CDK15: variants seen among roughly 807,000 people sequenced by gnomAD.
CDK15 encodes the protein cyclin-dependent kinase 15.
In CDK15, 62 loss-of-function variants were observed where a neutral mutation model predicts 60.3. The ratio of observed to expected loss-of-function variants is 1.03; its 90% CI spans 0.84 to 1.27. The LOEUF (loss-of-function observed/expected upper bound fraction) is 1.27. Among genes scored for constraint, CDK15 ranks in the 50% most tolerant of loss-of-function variants. The probability of loss-of-function intolerance (pLI) is 0.00; values close to 1 mark genes in which losing one functional copy is unlikely to be tolerated. For synonymous variants in CDK15, 194 were observed against 195.7 expected, an observed-to-expected ratio of 0.99 and a Z score of 0.07; for missense variants, 541 against 527.8, an observed-to-expected ratio of 1.03 and a Z score of -0.25.
intron 11 of CDK15, among the ~76,000 whole-genome samples, chr2:201,875,943 G>A (rs1699060705): frequency 6.6e-6 from 1 of 152,138 alleles, no homozygotes. Flanking sequence ...TTACTAGAAG[G>A]ACTGATTTAT....
chr2:201,847,534 T>TTTGCC, intron 9 of CDK15, 60 bp downstream of exon 9: 1 of 1,466,364 alleles, frequency 6.8e-7, no homozygotes, highest in Non-Finnish European at 9.5e-7. Context: ...TTGAACCAAA[T>TTTGCC]TTGCCTTACA....
At chr2:201,886,663 A>G (rs527562603) in intron 12 of CDK15, among the ~76,000 whole-genome samples, 8 of 152,240 alleles carry the variant, frequency 5.3e-5, no homozygotes, top group Admixed American at 2.6e-4. Context: ...TTTTTGTTTC[A>G]CCTGTGACTC....
intron 10 of CDK15, among the ~76,000 whole-genome samples, chr2:201,866,318 G>A (rs1452525166): frequency 6.6e-6 from 1 of 152,094 alleles, no homozygotes; most frequent in Non-Finnish European, 1.5e-5. Context: ...GTGCAGTGAT[G>A]TTTTACTAAA....
intron 4 of CDK15, among the ~76,000 whole-genome samples, chr2:201,814,514 T>C (rs955638724): frequency 2.6e-5 from 4 of 152,194 alleles, no homozygotes; most frequent in Admixed American, 6.5e-5. Context: ...CAAGAAGATA[T>C]GAGGCTTTAT....
rs749620553 is a variant in CDK15, at chr2:201,822,796, T to C, written c.449-13T>C. The C allele has an allele frequency of 6.5e-7, 1 of 1,533,760 alleles. No homozygotes were observed. The highest frequency in any genetic ancestry group is 2.2e-5 in the East Asian group (1 of 44,474). The stretch of plus-strand genomic sequence containing the variant: ...ATCAATGATGGATTTAACATTTTGT[T>C]TAATTTTTCTAGCTTCTCTCCTGAA... On this transcript the variant is annotated splice_polypyrimidine_tract_variant and intron_variant, in intron 4 of 13. Coordinates refer to ENST00000652192, the MANE Select transcript of CDK15 (RefSeq NM_001366386.2).
intron 8 of CDK15, among the ~76,000 whole-genome samples, chr2:201,842,150 C>G (rs1385835300): frequency 4.6e-5 from 7 of 152,092 alleles, no homozygotes; most frequent in African/African-American, 1.7e-4. Flanking sequence ...TTCCCATTAC[C>G]CCCTCTCCTC....
intron 6 of CDK15, among the ~76,000 whole-genome samples, chr2:201,826,338 T>C (rs1696492057): frequency 1.3e-5 from 2 of 151,478 alleles, no homozygotes; most frequent in Non-Finnish European, 2.9e-5. Flanking sequence ...CGGGCGCCTG[T>C]AGTCCCAGCT....
At chr2:201,888,794 C>T in intron 12 of CDK15, 15 of 1,153,024 alleles carry the variant, frequency 1.3e-5, no homozygotes, top group Non-Finnish European at 1.6e-5. Flanking sequence ...GAAATCCCAG[C>T]TTTTCATGCC....
chr2:201,873,937 C>T (rs1488691550), intron 11 of CDK15, among the ~76,000 whole-genome samples: 2 of 151,996 alleles, frequency 1.3e-5, no homozygotes, highest in African/African-American at 4.8e-5. Flanking sequence ...GCCTGTAGTC[C>T]GAGCTTCTCA....
At chr2:201,877,607 T>C (rs1426088483) in intron 11 of CDK15, among the ~76,000 whole-genome samples, 2 of 152,194 alleles carry the variant, frequency 1.3e-5, no homozygotes, top group Non-Finnish European at 2.9e-5. Context: ...TGATTTGTAC[T>C]AACATTCCTC....
chr2:201,892,652 G>A (rs1699674103), intron 13 of CDK15, among the ~76,000 whole-genome samples: 1 of 152,158 alleles, frequency 6.6e-6, no homozygotes, highest in Non-Finnish European at 1.5e-5. Flanking sequence ...AAACTGAGAT[G>A]AGCCACAAGA....
At chr2:201,815,222 A>G in intron 4 of CDK15, among the ~76,000 whole-genome samples, 1 of 152,198 alleles carries the variant, frequency 6.6e-6, no homozygotes, top group East Asian at 1.9e-4. Flanking sequence ...AGGGAAATAT[A>G]TCTTAATACA....
intron 7 of CDK15, 133 bp downstream of exon 7, chr2:201,834,104 C>G: frequency 9.0e-7 from 1 of 1,115,002 alleles, no homozygotes; most frequent in Non-Finnish European, 1.2e-6. Context: ...GGATATCAAA[C>G]TACCACAAAG....
rs1696585000 is a variant in CDK15 at position 201,828,070 on chromosome 2, A to G, written c.606+4343A>G. 2.0e-5 allele frequency among the ~76,000 whole-genome samples: 3 copies of G among 152,196 alleles called. No individual in the cohort carries two copies. The South Asian group carries it at 6.2e-4, about 32-fold the overall frequency. On this transcript the variant is annotated intron_variant, in intron 6 of 13. Transcript: ENST00000652192. ...GAGGAAAAGGATGGGGCCAAACATAACTGGTTTTGTGTTTGACTGACGAGG... is the reference window on the plus strand; with the variant it reads ...GAGGAAAAGGATGGGGCCAAACATAGCTGGTTTTGTGTTTGACTGACGAGG...
chr2:201,860,645 C>A (rs1698349959), intron 10 of CDK15: 1 of 1,272,242 alleles, frequency 7.9e-7, no homozygotes, highest in Non-Finnish European at 1.0e-6. Context: ...TACTAAAAGC[C>A]CTGCAGGGAC....
intron 8 of CDK15, among the ~76,000 whole-genome samples, chr2:201,837,664 A>G (rs1027646571): frequency 1.3e-5 from 2 of 151,916 alleles, no homozygotes; most frequent in Admixed American, 6.5e-5. Context: ...GTTCCTGGAG[A>G]CTTCCCAGTC....
At chr2:201,887,022 G>GA (rs907333126) in intron 12 of CDK15, among the ~76,000 whole-genome samples, 1 of 152,264 alleles carries the variant, frequency 6.6e-6, no homozygotes, top group African/African-American at 2.4e-5. Flanking sequence ...GAATAGGGGG[G>GA]AAAACCCTAA....
intron 6 of CDK15, among the ~76,000 whole-genome samples, chr2:201,828,950 C>T (rs1246595296): frequency 1.3e-5 from 2 of 152,164 alleles, no homozygotes; most frequent in South Asian, 4.1e-4. Context: ...CAATGGTCTG[C>T]CAGCTATCAG....
rs1699298250 is a variant in CDK15 at position 201,882,098 on chromosome 2, G to T, written c.1198+1931G>T. 6.6e-6 allele frequency among the ~76,000 whole-genome samples: 1 copy of T among 152,152 alleles called. No homozygotes were observed. Among genetic ancestry groups the T allele is most frequent in the South Asian group, 2.1e-4 (1 of 4,820 alleles). On this transcript the variant is annotated intron_variant, in intron 12 of 13. Coordinates refer to ENST00000652192, the MANE Select transcript of CDK15 (RefSeq NM_001366386.2). This position sits in a 1 kb window ranked among gnomAD's most constrained non-coding sequence, Gnocchi z 4.0. ...ATGTGTTGTTAGAAACTTGGGTTTT[G>T]ATTTTTCCTGGCTGACCCAAAAGCA...
Sources: allele counts gnomAD v4.1 joint callset (sites outside exome capture counted in the v4.1 genomes callset), GRCh38; gene constraint gnomAD v4.1.1; non-coding constraint Gnocchi (gnomAD v3.1); transcripts MANE v1.5; gene names NCBI Gene and HGNC (gene_info 2026-07-23, HGNC 2026-07-21).